Variants in CCDC14 observed in about 807,000 individuals in gnomAD.
CCDC14 encodes the protein coiled-coil domain-containing protein 14.
CCDC14 carries 71 observed loss-of-function variants against 81.4 expected under a neutral mutation model. The ratio of observed to expected loss-of-function variants is 0.87; its 90% CI spans 0.72 to 1.06. The LOEUF (loss-of-function observed/expected upper bound fraction) is 1.06. Among genes scored for constraint, CCDC14 ranks in the 50% least tolerant of loss-of-function variants. The pLI is 0.00. For missense variants in CCDC14, 1,046 were observed against 1,047.3 expected (o/e 1.00, Z 0.02); for synonymous variants, 332 against 364.8 (o/e 0.91, Z 1.03).
chr3:123,940,785 C>T (rs915522375), intron 9 of CCDC14, among the ~76,000 whole-genome samples: 1 of 151,848 alleles, frequency 6.6e-6, no homozygotes, highest in Admixed American at 6.6e-5. Flanking sequence ...GAATAATTCC[C>T]GAGTCTACAT....
chr3:123,948,940 G>C lies in CCDC14; in HGVS notation c.545C>G (p.Pro182Arg), dbSNP rs1344572680. The C allele has an allele frequency of 3.1e-6, 5 of 1,613,872 alleles. No individual in the cohort carries two copies. Among genetic ancestry groups the C allele is most frequent in the Non-Finnish European group, 4.2e-6 (5 of 1,179,870 alleles). The change falls in exon 6 of 13, where the codon CCT becomes CGT. Residue 182 changes from proline to arginine, a missense_variant. Physicochemically the swap from Pro to Arg is moderately radical, Grantham distance 103. Coordinates refer to ENST00000409697, the MANE Select transcript of CCDC14 (RefSeq NM_001366335.1). Reference protein sequence around the residue: ...LMNDLTSKNIPNGIPAVPCHA... With the variant: ...LMNDLTSKNIRNGIPAVPCHA... ...GCATGGTACAGCAGGAATTCCATTA[G>C]GGATGTTCTTTGAAGTCAAGTCATT...
At chr3:123,929,175 C>T (rs1348297058) in intron 12 of CCDC14, among the ~76,000 whole-genome samples, 1 of 152,138 alleles carries the variant, frequency 6.6e-6, no homozygotes, top group Non-Finnish European at 1.5e-5. Flanking sequence ...ATAGTAACTC[C>T]TAAGCAAACT....
At chr3:123,927,097 C>A (rs181617657) in intron 12 of CCDC14, among the ~76,000 whole-genome samples, 6 of 152,122 alleles carry the variant, frequency 3.9e-5, no homozygotes, top group Non-Finnish European at 7.4e-5. Context: ...AGCTCAGAGA[C>A]TTTTTTGTTT....
chr3:123,934,812 C>T (rs1277109160), intron 9 of CCDC14, among the ~76,000 whole-genome samples: 1 of 152,110 alleles, frequency 6.6e-6, no homozygotes, highest in Non-Finnish European at 1.5e-5. Flanking sequence ...TAGTACCCTA[C>T]CTCACATCAC....
intron 5 of CCDC14, among the ~76,000 whole-genome samples, chr3:123,901,190 C>A (rs2034170116): frequency 6.6e-6 from 1 of 151,612 alleles, no homozygotes; most frequent in African/African-American, 2.4e-5. Context: ...TGAGATCATG[C>A]CATTGCACTC....
chr3:123,946,858 T>G lies in CCDC14; in HGVS notation c.1146A>C (p.Lys382Asn), dbSNP rs542329348. 19 of 1,613,956 alleles carry G rather than the reference T, an allele frequency of 1.2e-5. No homozygotes were observed. The East Asian group carries it at 4.0e-4, about 34-fold the overall frequency. ...KAKNVNKTAE[K>N]VRIIKYLLGE... is the part of the protein sequence containing the mutation. ...CCAACAAATATTTTATAATTCTAAC[T>G]TTTTCAGCTGTCTTGTTCACATTTT... Residue 382 changes from lysine (K) to asparagine (N), a missense_variant, in exon 8 of 13, where the codon AAA (lysine) becomes AAC (asparagine). By Grantham distance (94) the Lys-to-Asn change is moderately conservative. Coordinates refer to ENST00000409697, the MANE Select transcript of CCDC14 (RefSeq NM_001366335.1).
chr3:123,889,644 G>A, the CCDC14 span, among the ~76,000 whole-genome samples: 13 of 152,228 alleles, frequency 8.5e-5, no homozygotes, highest in Non-Finnish European at 1.3e-4. Context: ...GGCTGGCATT[G>A]AGTGCCTGCA....
At chr3:123,933,799 A>C (rs561094518) in intron 9 of CCDC14, 44 bp from the exon 10 acceptor site, 1 of 1,303,670 alleles carries the variant, frequency 7.7e-7, no homozygotes, top group South Asian at 1.3e-5. Flanking sequence ...ATACCAAGCC[A>C]ATTTAATAGT....
intron 5 of CCDC14, among the ~76,000 whole-genome samples, chr3:123,901,332 C>G (rs2034175501): frequency 6.6e-6 from 1 of 151,696 alleles, no homozygotes. Context: ...TTCAATATAG[C>G]ATTAGCAAGA....
intron 5 of CCDC14, among the ~76,000 whole-genome samples, chr3:123,899,524 G>T (rs1205820189): frequency 6.6e-6 from 1 of 152,206 alleles, no homozygotes; most frequent in Non-Finnish European, 1.5e-5. Context: ...CACCCATCCA[G>T]CAGTCCTGGC....
intron 1 of CCDC14, among the ~76,000 whole-genome samples, chr3:123,960,542 C>T (rs2037619999): frequency 1.3e-5 from 2 of 152,124 alleles, no homozygotes; most frequent in Admixed American, 1.3e-4. Context: ...GATATCGTGA[C>T]TATTAAATGA....
chr3:123,919,130 AG>A (rs1348909526), intron 12 of CCDC14, among the ~76,000 whole-genome samples: 1 of 152,164 alleles, frequency 6.6e-6, no homozygotes, highest in African/African-American at 2.4e-5. Context: ...AGTGCACATT[AG>A]CATAAATCTG....
chr3:123,924,975 ACAC>A (rs531868118), intron 12 of CCDC14, among the ~76,000 whole-genome samples: 200 of 151,820 alleles, frequency 1.3e-3, no homozygotes, highest in Non-Finnish European at 9.7e-4. Flanking sequence ...ACACACACAC[ACAC>A]ATCTATCTAT....
At chr3:123,900,540 C>T (rs1208831143) in intron 5 of CCDC14, among the ~76,000 whole-genome samples, 1 of 152,202 alleles carries the variant, frequency 6.6e-6, no homozygotes, top group Middle Eastern at 3.2e-3. Flanking sequence ...GCCTTCAACT[C>T]AGTTACGAAT....
chr3:123,934,974 G>A (rs1025730240), intron 9 of CCDC14, among the ~76,000 whole-genome samples: 2 of 152,092 alleles, frequency 1.3e-5, no homozygotes, highest in Non-Finnish European at 2.9e-5. Context: ...GGAAAAGAAC[G>A]AAAGATTTAA....
downstream of CCDC14, among the ~76,000 whole-genome samples, chr3:123,894,653 T>C (rs1170602993): frequency 6.6e-6 from 1 of 152,244 alleles, no homozygotes; most frequent in African/African-American, 2.4e-5. Flanking sequence ...ACTGTACAAG[T>C]CTTTCACCTC....
intron 12 of CCDC14, among the ~76,000 whole-genome samples, chr3:123,927,404 G>A (rs918678917): frequency 6.6e-6 from 1 of 152,074 alleles, no homozygotes. Context: ...GTGACAGAGC[G>A]AGATTCTGCC....
Position 123,956,800 on chromosome 3 carries a change from G to A in CCDC14, c.31-5C>T. On this transcript the variant is annotated splice_region_variant and splice_polypyrimidine_tract_variant and intron_variant, in intron 1 of 12. Transcript: ENST00000409697. ...GTGCCTTCCTGAAGATAACACCTAT[G>A]ACATAATATATTATAGCAGATAAAC... 1 of 1,513,576 alleles carries A rather than the reference G, an allele frequency of 6.6e-7. No homozygotes were observed. Among genetic ancestry groups the A allele is most frequent in the Non-Finnish European group, 9.0e-7 (1 of 1,116,150 alleles). 93.8% of individuals were successfully genotyped at this position (1,513,576 alleles called of 1,614,324 possible).
rs2034605024 is a variant in CCDC14 at position 123,915,343 on chromosome 3, A to G, written c.2154T>C (p.Ala718=). 1 of 1,613,818 alleles carries G rather than the reference A, an allele frequency of 6.2e-7. No individual in the cohort carries two copies. The highest frequency in any genetic ancestry group is 1.7e-5 in the Admixed American group (1 of 59,998). The part of the protein sequence containing the change: ...QDSDEGSETM[A]LIEDEHNLDN... ...CCAAATTATGCTCATCTTCTATTAAAGCCATAGTTTCACTCCCTTCATCAG... is the reference window on the plus strand; with the variant it reads ...CCAAATTATGCTCATCTTCTATTAAGGCCATAGTTTCACTCCCTTCATCAG... The change falls in exon 13 of 13, where the codon GCT becomes GCC. Residue 718 remains alanine (A), a synonymous_variant. Transcript: ENST00000409697.
Sources: allele counts gnomAD v4.1 joint callset (sites outside exome capture counted in the v4.1 genomes callset), GRCh38; gene constraint gnomAD v4.1.1; transcripts MANE v1.5; gene names NCBI Gene and HGNC (gene_info 2026-07-23, HGNC 2026-07-21).